The following MAST4 variants were observed in gnomAD, a reference collection of about 807,000 sequenced individuals.
The protein encoded by MAST4 is microtubule-associated serine/threonine-protein kinase 4.
In MAST4, 89 loss-of-function variants were observed where a neutral mutation model predicts 162.7. The ratio of observed to expected loss-of-function variants is 0.55; its 90% CI spans 0.46 to 0.65. MAST4 has a LOEUF of 0.65. Ranked by LOEUF, MAST4 falls within the 30% of genes least tolerant of loss-of-function variation. The probability of loss-of-function intolerance (pLI) is 0.00; values close to 1 mark genes in which losing one functional copy is unlikely to be tolerated. For missense variants in MAST4, 3,153 were observed against 3,374.0 expected, an observed-to-expected ratio of 0.93 and a Z score of 1.62; for synonymous variants, 1,479 against 1,361.1, an observed-to-expected ratio of 1.09 and a Z score of -1.91.
chr5:66,752,184 A>C (rs1463855383), intron 1 of MAST4, among the ~76,000 whole-genome samples: 3 of 152,240 alleles, frequency 2.0e-5, no homozygotes, highest in African/African-American at 7.2e-5. Flanking sequence ...CAGCTGCTGC[A>C]AAATCATGGC....
intron 1 of MAST4, among the ~76,000 whole-genome samples, chr5:66,651,973 A>G (rs1746252162): frequency 6.6e-6 from 1 of 152,190 alleles, no homozygotes; most frequent in African/African-American, 2.4e-5. Context: ...GTGATAGTCT[A>G]TAATTTTGCC....
chr5:67,105,476 T>C (rs939772195), intron 10 of MAST4, among the ~76,000 whole-genome samples: 1 of 152,188 alleles, frequency 6.6e-6, no homozygotes, highest in Non-Finnish European at 1.5e-5. Flanking sequence ...TTTTCTCCCC[T>C]TTGCCCTCTA....
Position 67,167,187 on chromosome 5 carries a change from GAA to G in MAST4, c.*138_*139del, listed in dbSNP as rs1774153943. ...GAGCCTCATTGAGACAGGGGAGAGA[GAA>G]AGACAAAGAGGGGACCTTCTTCCAG... On this transcript the variant is annotated 3_prime_UTR_variant, in exon 29 of 29. Coordinates refer to ENST00000403625, the MANE Select transcript of MAST4 (RefSeq NM_001164664.2). The G allele has an allele frequency of 2.2e-6, 1 of 454,860 alleles. No individual in the cohort carries two copies. The highest frequency in any genetic ancestry group is 5.9e-5 in the Admixed American group (1 of 16,912). The allele number at this position is 454,860 out of a possible 1,614,324, so 28.2% of individuals were successfully genotyped here. A position where few individuals can be genotyped will look rare whatever the true frequency, so the allele number is the denominator to read the frequency against.
Position 66,788,759 on chromosome 5 carries a change from C to G in MAST4, c.607C>G (p.Leu203Val), listed in dbSNP as rs1467953468. Residue 203 changes from leucine to valine, a missense_variant, in exon 3 of 29, where the codon CTG becomes GTG. Coordinates refer to ENST00000403625, the MANE Select transcript of MAST4 (RefSeq NM_001164664.2). ...CCTCGTGCGCATGCGCAGCCAGGCC[C>G]TGGGCCAGTCGGCGCCCTCGCTCAC... is the stretch of plus-strand genomic sequence containing the variant. ...SNLVRMRSQALGQSAPSLTAS... is the reference protein window; with the variant it reads ...SNLVRMRSQAVGQSAPSLTAS... 5 of 1,606,740 alleles carry G rather than the reference C, an allele frequency of 3.1e-6. No individual in the cohort carries two copies. Among genetic ancestry groups the G allele is most frequent in the African/African-American group, 2.7e-5 (2 of 74,646 alleles).
At chr5:66,926,132 C>T (rs1463273022) in intron 4 of MAST4, among the ~76,000 whole-genome samples, 2 of 152,074 alleles carry the variant, frequency 1.3e-5, no homozygotes, top group Non-Finnish European at 2.9e-5. Context: ...TAAGGAGTTC[C>T]AGAAATAGAT....
At chr5:66,678,255 G>A (rs1385894644) in intron 1 of MAST4, among the ~76,000 whole-genome samples, 1 of 152,030 alleles carries the variant, frequency 6.6e-6, no homozygotes, top group Non-Finnish European at 1.5e-5. Flanking sequence ...GGGGCTGGTG[G>A]GGGTGTGTAT....
chr5:67,061,379 A>T (rs1759577367), intron 5 of MAST4, among the ~76,000 whole-genome samples: 1 of 151,900 alleles, frequency 6.6e-6, no homozygotes, highest in Non-Finnish European at 1.5e-5. Flanking sequence ...ATTTACCTTT[A>T]TTTTTATCCT....
intron 4 of MAST4, among the ~76,000 whole-genome samples, chr5:66,959,599 T>C (rs1284270511): frequency 6.6e-6 from 1 of 152,242 alleles, no homozygotes; most frequent in East Asian, 1.9e-4. Flanking sequence ...ATCTGTCTTT[T>C]TCTCCTTCTC....
chr5:66,834,027 A>G (rs1271160459), intron 3 of MAST4, among the ~76,000 whole-genome samples: 2 of 152,224 alleles, frequency 1.3e-5, no homozygotes, highest in South Asian at 4.1e-4. Flanking sequence ...TGCCTGGCAC[A>G]TTGTACTTAG....
intron 5 of MAST4, among the ~76,000 whole-genome samples, chr5:67,083,504 GAAAC>G (rs766359188): frequency 1.1e-4 from 17 of 151,974 alleles, no homozygotes; most frequent in East Asian, 1.9e-4. Flanking sequence ...CTCAGCAATT[GAAAC>G]AAACAGTCTG....
At chr5:67,062,398 A>G (rs528869613) in intron 5 of MAST4, among the ~76,000 whole-genome samples, 2 of 149,010 alleles carry the variant, frequency 1.3e-5, no homozygotes, top group South Asian at 2.1e-4. Context: ...ATGGTCCCCA[A>G]AAAAAAAAAT....
Position 67,163,759 on chromosome 5 carries a change from T to A in MAST4, c.4580T>A (p.Leu1527Gln). The A allele has an allele frequency of 6.2e-7, 1 of 1,610,114 alleles. No homozygotes were observed. The highest frequency in any genetic ancestry group is 2.2e-5 in the East Asian group (1 of 44,752). The change falls in exon 29 of 29, where the codon CTG (leucine) becomes CAG (glutamine). Residue 1527 changes from leucine (L) to glutamine (Q), a missense_variant. Physicochemically the swap from Leu to Gln is moderately radical, Grantham distance 113. This residue lies in a region of MAST4 where 1,644 missense variants were observed against 1,495.0 expected (regional missense o/e 1.10). Transcript: ENST00000403625. The surrounding 1 kb of genome is among the most constrained non-coding windows in gnomAD (Gnocchi z 7.0). Reference protein sequence around the residue: ...KVGRQESVDDLDRDKLKAKVV... With the variant: ...KVGRQESVDDQDRDKLKAKVV... ...GGCCGCCAGGAGTCTGTGGACGACC[T>A]GGACCGCGACAAGCTGAAGGCCAAG...
At chr5:66,844,610 G>A (rs973954977) in intron 3 of MAST4, among the ~76,000 whole-genome samples, 2 of 152,094 alleles carry the variant, frequency 1.3e-5, no homozygotes, top group African/African-American at 4.8e-5. Context: ...CCCAATTCTG[G>A]TTGTCTTCCG....
At chr5:67,012,249 A>T (rs1447706955) in intron 4 of MAST4, among the ~76,000 whole-genome samples, 1 of 152,234 alleles carries the variant, frequency 6.6e-6, no homozygotes, top group South Asian at 2.1e-4. Flanking sequence ...TCAAGGAATC[A>T]TTTGAATTCC....
Position 66,721,727 on chromosome 5 carries a change from C to T in MAST4, c.364-37982C>T, listed in dbSNP as rs777470749. On this transcript the variant is annotated intron_variant, in intron 1 of 28. Transcript: ENST00000403625. ...ACATCTGACTGCTTACTCAACATCT[C>T]GAATGCCTGGTAGGTACCTCCAACT... Among the ~76,000 whole-genome samples, 44 of 150,864 alleles carry T rather than the reference C, an allele frequency of 2.9e-4. 1 individual carries two copies. Among genetic ancestry groups the T allele is most frequent in the Non-Finnish European group, 5.9e-5 (4 of 67,794 alleles).
At position 67,164,573 on chromosome 5, in the gene MAST4, G is replaced by A. The variant is rs567139905; in HGVS notation, c.5394G>A (p.Leu1798=). ...TGGAAGGTAGGTCTGTCTCATGCCTGAAGCCGATCGAGGGCACTCTGGACA... is the reference window on the plus strand; with the variant it reads ...TGGAAGGTAGGTCTGTCTCATGCCTAAAGCCGATCGAGGGCACTCTGGACA... ...YKLEGRSVSC[L]KPIEGTLDIA... is the part of the protein sequence containing the mutation. The change falls in exon 29 of 29, where the codon CTG becomes CTA. Residue 1798 remains leucine (L), a synonymous_variant. Coordinates refer to ENST00000403625, the MANE Select transcript of MAST4 (RefSeq NM_001164664.2). The surrounding 1 kb of genome is among the most constrained non-coding windows in gnomAD (Gnocchi z 5.3). The A allele has an allele frequency of 8.7e-6, 14 of 1,614,004 alleles. No homozygotes were observed. In the East Asian group the frequency reaches 2.9e-4, roughly 33 times the overall value.
chr5:66,860,055 A>T (rs955599772), intron 3 of MAST4, among the ~76,000 whole-genome samples: 1 of 152,262 alleles, frequency 6.6e-6, no homozygotes, highest in Non-Finnish European at 1.5e-5. Context: ...TTAATCAGTT[A>T]TGACTAAGGA....
chr5:66,698,224 C>A (rs1477148508), intron 1 of MAST4, among the ~76,000 whole-genome samples: 2 of 152,048 alleles, frequency 1.3e-5, no homozygotes, highest in Non-Finnish European at 2.9e-5. Context: ...ACTCTTAGTT[C>A]CCGCAGCTGA....
rs558794409 is a variant in MAST4, at chr5:66,971,370, C to A, written c.674+71388C>A. Among the ~76,000 whole-genome samples the A allele has an allele frequency of 4.6e-5, 7 of 152,266 alleles. No homozygotes were observed. In the East Asian group the frequency reaches 1.4e-3, roughly 29 times the overall value. On this transcript the variant is annotated intron_variant, in intron 4 of 28. Transcript: ENST00000403625. ...AGTCTGAGCAGCCTGTGCCTTGTTC[C>A]CTCAGCCTGGGCCAGCCTGCTACTT...
Sources: gnomAD v4.1 joint callset for allele counts (sites outside exome capture counted in the v4.1 genomes callset) on GRCh38, gnomAD v4.1.1 for gene constraint, gnomAD v4.1.1 regional missense constraint, Gnocchi (gnomAD v3.1) non-coding constraint, MANE v1.5 for transcripts, NCBI Gene and HGNC (gene_info 2026-07-23, HGNC 2026-07-21) for gene names.